Variants in SLC25A48 observed in about 807,000 individuals in gnomAD.
SLC25A48 encodes the protein solute carrier family 25 member 48.
Under a neutral mutation model 32.2 loss-of-function variants are expected in SLC25A48, and 29 were observed. That is an observed-to-expected ratio of 0.90 (90% CI 0.67 to 1.23). The LOEUF (loss-of-function observed/expected upper bound fraction) is 1.23, where lower values mean the gene tolerates loss of function less well. SLC25A48 is among the 50% of genes most tolerant of loss of function. SLC25A48 has a pLI of 0.00. For synonymous variants in SLC25A48, 164 were observed against 172.3 expected, an observed-to-expected ratio of 0.95 and a Z score of 0.38; for missense variants, 399 against 422.7, an observed-to-expected ratio of 0.94 and a Z score of 0.49.
In SLC25A48 at chr5:135,585,242, A is replaced by C. The variant is rs190546346; in HGVS notation, c.-849+5645A>C. On this transcript the variant is annotated intron_variant, in intron 1 of 10. Coordinates refer to the SLC25A48 transcript ENST00000646290. ...CTCTGCCCCACCTCCTGCCTCTCTCACCAGCCCTGTTCCATGTTTGCAGCA... is the reference window on the plus strand; with the variant it reads ...CTCTGCCCCACCTCCTGCCTCTCTCCCCAGCCCTGTTCCATGTTTGCAGCA... Among the ~76,000 whole-genome samples the C allele has an allele frequency of 7.0e-3, 1,061 of 152,242 alleles. 7 individuals are homozygous for C. The highest frequency in any genetic ancestry group is 0.024 in the African/African-American group (1,002 of 41,534).
chr5:135,754,391 CT>C (rs1208876206), intron 3 of SLC25A48, among the ~76,000 whole-genome samples: 1 of 151,980 alleles, frequency 6.6e-6, no homozygotes, highest in Non-Finnish European at 1.5e-5. Context: ...AAATATCCCT[CT>C]GGTATTTATC....
chr5:135,684,434 G>A (rs1753970769), intron 3 of SLC25A48, among the ~76,000 whole-genome samples: 1 of 152,194 alleles, frequency 6.6e-6, no homozygotes, highest in South Asian at 2.1e-4. Flanking sequence ...GGAAGAGAAG[G>A]AAGCAGGATT....
intron 1 of SLC25A48, chr5:135,609,776 A>G (rs1050616082): frequency 4.6e-5 from 7 of 152,248 alleles, no homozygotes; most frequent in African/African-American, 1.7e-4. Context: ...ACTTATTATC[A>G]TCTATATAAA....
intron 3 of SLC25A48, among the ~76,000 whole-genome samples, chr5:135,697,890 A>C (rs1754303884): frequency 6.6e-6 from 1 of 152,158 alleles, no homozygotes. Context: ...CACAACCTCC[A>C]AAGGCCTCTC....
At chr5:135,668,097 C>T (rs1014563045) in intron 3 of SLC25A48, among the ~76,000 whole-genome samples, 2 of 152,132 alleles carry the variant, frequency 1.3e-5, no homozygotes, top group African/African-American at 4.8e-5. Context: ...GGGCTTCATT[C>T]ACACTCTAAG....
chr5:135,884,847 A>C (rs971510431), intron 7 of SLC25A48, among the ~76,000 whole-genome samples: 8 of 151,782 alleles, frequency 5.3e-5, no homozygotes, highest in Admixed American at 5.2e-4. Context: ...GATGAGGCTG[A>C]GATGCAACAA....
intron 1 of SLC25A48, among the ~76,000 whole-genome samples, chr5:135,586,565 T>C (rs1187133240): frequency 6.6e-6 from 1 of 152,026 alleles, no homozygotes; most frequent in African/African-American, 2.4e-5. Context: ...ATGGGCGGAA[T>C]GTGGGGAGAG....
intron 3 of SLC25A48, among the ~76,000 whole-genome samples, chr5:135,697,353 C>T (rs1047984767): frequency 1.3e-5 from 2 of 152,192 alleles, no homozygotes; most frequent in East Asian, 1.9e-4. Context: ...CTCTGCTCAG[C>T]TCTGCAAGGG....
chr5:135,788,648 G>T (rs1371860210), intron 3 of SLC25A48, among the ~76,000 whole-genome samples: 1 of 150,838 alleles, frequency 6.6e-6, no homozygotes, highest in Non-Finnish European at 1.5e-5. Context: ...TCCCCATGTG[G>T]CAGGGAGTGT....
At chr5:135,745,633 C>G (rs1432534228) in intron 3 of SLC25A48, among the ~76,000 whole-genome samples, 2 of 152,188 alleles carry the variant, frequency 1.3e-5, no homozygotes, top group Non-Finnish European at 2.9e-5. Flanking sequence ...CTAAGGTCCT[C>G]CCATCCTTGA....
chr5:135,638,035 G>A (rs1026914695), intron 3 of SLC25A48, among the ~76,000 whole-genome samples: 7 of 152,116 alleles, frequency 4.6e-5, no homozygotes, highest in African/African-American at 1.7e-4. Flanking sequence ...TGCAGTTACT[G>A]TCAGCCACGG....
chr5:135,688,160 G>A (rs897230879), intron 3 of SLC25A48, among the ~76,000 whole-genome samples: 7 of 152,162 alleles, frequency 4.6e-5, no homozygotes, highest in African/African-American at 1.7e-4. Flanking sequence ...TATTTCACTT[G>A]GTATTATGCC....
chr5:135,621,833 A>G (rs1752333279), intron 1 of SLC25A48, among the ~76,000 whole-genome samples: 1 of 152,192 alleles, frequency 6.6e-6, no homozygotes, highest in Admixed American at 6.5e-5. Context: ...AGTTCTCATT[A>G]AAGTGTGAGA....
intron 3 of SLC25A48, among the ~76,000 whole-genome samples, chr5:135,748,722 A>ATTT (rs1160434929): frequency 0.013 from 1,772 of 135,030 alleles, 44 homozygotes; most frequent in African/African-American, 0.035. Context: ...AGACAGGTAA[A>ATTT]TTTTTTTTTT....
At chr5:135,777,667 T>C (rs1756601812) in intron 3 of SLC25A48, among the ~76,000 whole-genome samples, 1 of 151,446 alleles carries the variant, frequency 6.6e-6, no homozygotes, top group South Asian at 2.1e-4. Context: ...ACTCCCAATA[T>C]CTCACAGGTG....
intron 3 of SLC25A48, among the ~76,000 whole-genome samples, chr5:135,764,980 G>A (rs1756169486): frequency 5.3e-5 from 8 of 151,592 alleles, no homozygotes. Context: ...CTGTGATATG[G>A]TTCATAATAT....
chr5:135,831,214 GA>G (rs957430304), upstream of SLC25A48, among the ~76,000 whole-genome samples: 1 of 152,178 alleles, frequency 6.6e-6, no homozygotes, highest in African/African-American at 2.4e-5. Context: ...TCACACCTGG[GA>G]ATGATGTGAC....
chr5:135,810,480 C>T (rs2126650703), intron 3 of SLC25A48, among the ~76,000 whole-genome samples: 1 of 152,318 alleles, frequency 6.6e-6, no homozygotes, highest in Non-Finnish European at 1.5e-5. Context: ...GAGGCTGCAG[C>T]TGCCTGATCT....
chr5:135,650,741 C>A (rs1311679788), intron 3 of SLC25A48, among the ~76,000 whole-genome samples: 2 of 152,048 alleles, frequency 1.3e-5, no homozygotes, highest in African/African-American at 2.4e-5. Context: ...CTGAGAACAT[C>A]CAGTCCCCAT....
Sources: gnomAD v4.1 joint callset for allele counts (sites outside exome capture counted in the v4.1 genomes callset) on GRCh38, gnomAD v4.1.1 for gene constraint, MANE v1.5 for transcripts, NCBI Gene and HGNC (gene_info 2026-07-23, HGNC 2026-07-21) for gene names.